IL6R: variants seen among roughly 807,000 people sequenced by gnomAD.
The protein encoded by IL6R is interleukin 6 receptor, also known as interleukin-6 receptor subunit alpha.
IL6R carries 38 observed loss-of-function variants against 48.3 expected under a neutral mutation model. The observed-to-expected ratio is 0.79, with a 90% CI of 0.61 to 1.03. The LOEUF (loss-of-function observed/expected upper bound fraction) is 1.03. IL6R is among the 50% of genes least tolerant of loss of function. The pLI is 0.00. For synonymous variants in IL6R, 264 were observed against 256.2 expected, an observed-to-expected ratio of 1.03 and a Z score of -0.29; for missense variants, 534 against 618.3, an observed-to-expected ratio of 0.86 and a Z score of 1.45.
intron 9 of IL6R, among the ~76,000 whole-genome samples, chr1:154,463,624 C>T (rs1253238432): frequency 6.6e-6 from 1 of 152,166 alleles, no homozygotes; most frequent in Admixed American, 6.5e-5. Flanking sequence ...GCATGTCAGT[C>T]ACAAAGTGGG....
At chr1:154,416,042 T>G (rs1174457185) in intron 1 of IL6R, among the ~76,000 whole-genome samples, 1 of 152,260 alleles carries the variant, frequency 6.6e-6, no homozygotes, top group Non-Finnish European at 1.5e-5. Flanking sequence ...TTATTTTTAT[T>G]AGTTCTGAAC....
At chr1:154,416,480 G>A (rs1013266760) in intron 1 of IL6R, among the ~76,000 whole-genome samples, 1 of 152,110 alleles carries the variant, frequency 6.6e-6, no homozygotes, top group African/African-American at 2.4e-5. Flanking sequence ...GAACACTGAT[G>A]TATTTTTAAT....
At chr1:154,417,096 C>G (rs1469492512) in intron 1 of IL6R, among the ~76,000 whole-genome samples, 1 of 152,148 alleles carries the variant, frequency 6.6e-6, no homozygotes, top group East Asian at 1.9e-4. Flanking sequence ...TCTCCCTGCC[C>G]TCCTGCCACC....
At chr1:154,435,220 G>C in intron 5 of IL6R, 64 bp downstream of exon 5, 1 of 1,507,522 alleles carries the variant, frequency 6.6e-7, no homozygotes, top group Admixed American at 1.8e-5. Flanking sequence ...AGTAGAAAGG[G>C]TACTAGAGGC....
At chr1:154,439,859 A>ACCTG (rs1433094502) in intron 6 of IL6R, among the ~76,000 whole-genome samples, 1 of 151,426 alleles carries the variant, frequency 6.6e-6, no homozygotes, top group South Asian at 2.1e-4. Context: ...ATGCCTGCCT[A>ACCTG]CCTGCCTGCC....
At chr1:154,410,215 G>A (rs892020717) in intron 1 of IL6R, among the ~76,000 whole-genome samples, 8 of 152,008 alleles carry the variant, frequency 5.3e-5, no homozygotes, top group East Asian at 3.9e-4. Context: ...GGATCCTTGA[G>A]GGCTGGAGTG....
Position 154,429,220 on chromosome 1 carries a change from G to T in IL6R, c.110G>T (p.Ser37Ile). 1 of 1,613,480 alleles carries T rather than the reference G, an allele frequency of 6.2e-7. No homozygotes were observed. The highest frequency in any genetic ancestry group is 8.5e-7 in the Non-Finnish European group (1 of 1,179,438). ...GAGGTGGCGAGAGGCGTGCTGACCA[G>T]TCTGCCAGGAGACAGCGTGACTCTG... ...AQEVARGVLTSLPGDSVTLTC... is the reference protein window; with the variant it reads ...AQEVARGVLTILPGDSVTLTC... Residue 37 changes from serine (S) to isoleucine (I), a missense_variant, in exon 2 of 10, where the codon AGT (serine) becomes ATT (isoleucine). Transcript: ENST00000368485.
chr1:154,411,293 A>G (rs1688005571), intron 1 of IL6R, among the ~76,000 whole-genome samples: 1 of 152,116 alleles, frequency 6.6e-6, no homozygotes, highest in African/African-American at 2.4e-5. Context: ...CCTGACCTCA[A>G]GTGATCTGCC....
chr1:154,454,916 G>T (rs559240555), intron 9 of IL6R, among the ~76,000 whole-genome samples: 2 of 152,114 alleles, frequency 1.3e-5, no homozygotes, highest in African/African-American at 2.4e-5. Flanking sequence ...GAAAGAAGAG[G>T]GTTCTTTTTT....
chr1:154,414,649 T>C, intron 1 of IL6R: 2 of 842,890 alleles, frequency 2.4e-6, no homozygotes, highest in Non-Finnish European at 4.0e-6. Flanking sequence ...GAAGACGGTG[T>C]AGCTCTTGGC....
chr1:154,426,298 G>A (rs550034028), intron 1 of IL6R, among the ~76,000 whole-genome samples: 65 of 151,898 alleles, frequency 4.3e-4, no homozygotes, highest in Non-Finnish European at 7.7e-4. Flanking sequence ...ATCACCTGAG[G>A]TCAGGAGTTC....
intron 7 of IL6R, among the ~76,000 whole-genome samples, chr1:154,448,384 G>C (rs1241595509): frequency 1.3e-5 from 2 of 152,238 alleles, no homozygotes; most frequent in Non-Finnish European, 2.9e-5. Flanking sequence ...CGCTGGCCTG[G>C]CGTGCAGAAC....
chr1:154,448,332 CAT>C (rs1570989502), intron 7 of IL6R, among the ~76,000 whole-genome samples, 161 bp downstream of exon 7: 2 of 152,228 alleles, frequency 1.3e-5, no homozygotes, highest in African/African-American at 4.8e-5. Flanking sequence ...GAAAGGGAAT[CAT>C]AGAAATTATC....
chr1:154,454,812 G>A (rs1042459679), intron 9 of IL6R, among the ~76,000 whole-genome samples: 9 of 152,210 alleles, frequency 5.9e-5, no homozygotes, highest in Admixed American at 4.6e-4. Context: ...AGTCAGACAC[G>A]AAGAGGTAAT....
chr1:154,465,587 C>A lies in IL6R; in HGVS notation c.*207C>A. On this transcript the variant is annotated 3_prime_UTR_variant, in exon 10 of 10. Transcript: ENST00000368485. ...GGTTGAGGTTTCAAACCTCCCTTTC[C>A]AAATGCCCAGCTTAAAGGGGCTAGA... is the stretch of plus-strand genomic sequence containing the variant. The A allele has an allele frequency of 3.3e-6, 2 of 606,602 alleles. No homozygotes were observed. The highest frequency in any genetic ancestry group is 2.9e-6 in the Non-Finnish European group (1 of 344,716). 37.6% of individuals were successfully genotyped at this position (606,602 alleles called of 1,614,324 possible). A position where few individuals can be genotyped will look rare whatever the true frequency, so the allele number is the denominator to read the frequency against.
rs776325795 is a variant in IL6R at position 154,465,347 on chromosome 1, C to T, written c.1374C>T (p.Asp458=). 3 of 1,614,088 alleles carry T rather than the reference C, an allele frequency of 1.9e-6. No individual in the cohort carries two copies. Among genetic ancestry groups the T allele is most frequent in the African/African-American group, 2.7e-5 (2 of 74,936 alleles). The change falls in exon 10 of 10, where the codon GAC becomes GAT. Residue 458 remains aspartate, a synonymous_variant. Transcript: ENST00000368485. The part of the protein sequence containing the change: ...PDARDPRSPY[D]ISNTDYFFPR The stretch of plus-strand genomic sequence containing the variant: ...CCAGGGACCCACGGAGCCCTTATGA[C>T]ATCAGCAATACAGACTACTTCTTCC...
chr1:154,446,016 C>T (rs939699556), intron 6 of IL6R, among the ~76,000 whole-genome samples: 1 of 152,088 alleles, frequency 6.6e-6, no homozygotes, highest in African/African-American at 2.4e-5. Flanking sequence ...TCTCCAGCCT[C>T]AGTCTCCCAA....
intron 9 of IL6R, among the ~76,000 whole-genome samples, chr1:154,457,008 C>T (rs1430906352): frequency 6.6e-6 from 1 of 151,866 alleles, no homozygotes; most frequent in Non-Finnish European, 1.5e-5. Flanking sequence ...TTCCGAGAAC[C>T]ACATACTCAA....
chr1:154,412,533 C>G (rs1280587438), intron 1 of IL6R, among the ~76,000 whole-genome samples: 2 of 152,166 alleles, frequency 1.3e-5, no homozygotes, highest in Non-Finnish European at 2.9e-5. Context: ...GCTGGGATTA[C>G]AGACGTGAGC....
Sources: allele counts gnomAD v4.1 joint callset (sites outside exome capture counted in the v4.1 genomes callset), GRCh38; gene constraint gnomAD v4.1.1; transcripts MANE v1.5; gene names NCBI Gene and HGNC (gene_info 2026-07-23, HGNC 2026-07-21).